KCND2: variants seen among roughly 807,000 people sequenced by gnomAD.
KCND2 encodes potassium voltage-gated channel subfamily D member 2, also known as A-type voltage-gated potassium channel KCND2.
KCND2 carries 16 observed loss-of-function variants against 54.4 expected under a neutral mutation model. The ratio of observed to expected loss-of-function variants is 0.29; its 90% confidence interval spans 0.20 to 0.45. The LOEUF (loss-of-function observed/expected upper bound fraction) is 0.45, where lower values mean the gene tolerates loss of function less well. Ranked by LOEUF, KCND2 falls within the 20% of genes least tolerant of loss-of-function variation. The probability of loss-of-function intolerance (pLI) is 1.00; values close to 1 mark genes in which losing one functional copy is unlikely to be tolerated. For synonymous variants in KCND2, 317 were observed against 310.7 expected, an observed-to-expected ratio of 1.02 and a Z score of -0.21; for missense variants, 486 against 824.2, an observed-to-expected ratio of 0.59 and a Z score of 5.02.
chr7:120,319,762 G>A (rs1212459979), intron 1 of KCND2, among the ~76,000 whole-genome samples: 1 of 151,980 alleles, frequency 6.6e-6, no homozygotes, highest in African/African-American at 2.4e-5. Flanking sequence ...TGTAATTATG[G>A]TATTTTTTCC....
chr7:120,549,609 C>T (rs971363964), intron 1 of KCND2, among the ~76,000 whole-genome samples: 1 of 152,244 alleles, frequency 6.6e-6, no homozygotes, highest in East Asian at 1.9e-4. Context: ...AATTTCTTTC[C>T]TTTATACCTA....
intron 1 of KCND2, among the ~76,000 whole-genome samples, chr7:120,683,308 G>T (rs1792162904): frequency 6.6e-6 from 1 of 152,076 alleles, no homozygotes; most frequent in South Asian, 2.1e-4. Context: ...GATCTTACTA[G>T]TTGGCATTTA....
chr7:120,722,365 G>T (rs925140272), intron 1 of KCND2, among the ~76,000 whole-genome samples: 2 of 152,138 alleles, frequency 1.3e-5, no homozygotes, highest in African/African-American at 4.8e-5. Context: ...GGGAACAGGA[G>T]TAATATGGGC....
At chr7:120,730,207 C>G (rs966549262) in intron 1 of KCND2, among the ~76,000 whole-genome samples, 3 of 151,954 alleles carry the variant, frequency 2.0e-5, no homozygotes, top group Non-Finnish European at 4.4e-5. Flanking sequence ...AATCAAATCC[C>G]TTTTTTAAAA....
At chr7:120,539,309 G>T (rs1791951039) in intron 1 of KCND2, among the ~76,000 whole-genome samples, 1 of 152,178 alleles carries the variant, frequency 6.6e-6, no homozygotes, top group South Asian at 2.1e-4. Context: ...CAGCCAGCTG[G>T]ATTTGGTTGC....
At chr7:120,401,637 A>T in intron 1 of KCND2, among the ~76,000 whole-genome samples, 1 of 152,110 alleles carries the variant, frequency 6.6e-6, no homozygotes, top group East Asian at 1.9e-4. Flanking sequence ...TGTGTTTATA[A>T]GGCGTCAGTC....
At chr7:120,378,907 T>C (rs1329573604) in intron 1 of KCND2, among the ~76,000 whole-genome samples, 1 of 152,010 alleles carries the variant, frequency 6.6e-6, no homozygotes, top group African/African-American at 2.4e-5. Context: ...GCTCATGTCT[T>C]CTACTTTAAT....
intron 1 of KCND2, among the ~76,000 whole-genome samples, chr7:120,680,981 A>C (rs1465183934): frequency 6.6e-6 from 1 of 152,102 alleles, no homozygotes; most frequent in Non-Finnish European, 1.5e-5. Flanking sequence ...ATGTTTGTTT[A>C]GGTATTGAAC....
chr7:120,602,849 ACAGAAG>A (rs1308919570), intron 1 of KCND2, among the ~76,000 whole-genome samples: 4 of 152,208 alleles, frequency 2.6e-5, no homozygotes, highest in African/African-American at 9.6e-5. Flanking sequence ...AGACTCACAT[ACAGAAG>A]CAGTTCGTGA....
chr7:120,716,800 T>C (rs1350003391), intron 1 of KCND2, among the ~76,000 whole-genome samples: 1 of 152,074 alleles, frequency 6.6e-6, no homozygotes, highest in Non-Finnish European at 1.5e-5. Flanking sequence ...GAGATGCCTG[T>C]ATGAATTCAA....
At chr7:120,464,603 T>C (rs1368814016) in intron 1 of KCND2, among the ~76,000 whole-genome samples, 1 of 152,214 alleles carries the variant, frequency 6.6e-6, no homozygotes, top group Non-Finnish European at 1.5e-5. Context: ...GGTTTTCTGT[T>C]CTGGGTCTCA....
chr7:120,432,785 T>C (rs1801813109), intron 1 of KCND2, among the ~76,000 whole-genome samples: 1 of 152,164 alleles, frequency 6.6e-6, no homozygotes, highest in Non-Finnish European at 1.5e-5. Context: ...TTGCCTTGCT[T>C]GGACACCCCT....
intron 1 of KCND2, among the ~76,000 whole-genome samples, chr7:120,378,209 A>G (rs1422430696): frequency 3.3e-5 from 5 of 151,894 alleles, no homozygotes; most frequent in South Asian, 2.1e-4. Flanking sequence ...TCTATATGCA[A>G]TGGTTTAAAA....
intron 1 of KCND2, among the ~76,000 whole-genome samples, chr7:120,599,369 A>T (rs1188547043): frequency 6.6e-6 from 1 of 152,088 alleles, no homozygotes; most frequent in Non-Finnish European, 1.5e-5. Context: ...CTCAAAAAAA[A>T]ATCTGCTGAA....
chr7:120,489,021 C>T (rs970281434), intron 1 of KCND2, among the ~76,000 whole-genome samples: 3 of 151,980 alleles, frequency 2.0e-5, no homozygotes, highest in Admixed American at 6.6e-5. Flanking sequence ...ACAAGCATCA[C>T]GATTAGAATT....
Position 120,745,922 on chromosome 7 carries a change from C to A in KCND2, c.1610C>A (p.Thr537Asn), listed in dbSNP as rs560046889. 1 of 1,613,882 alleles carries A rather than the reference C, an allele frequency of 6.2e-7. No individual in the cohort carries two copies. The highest frequency in any genetic ancestry group is 1.1e-5 in the South Asian group (1 of 91,088). ...TGCTGTTCACGACGACACAAAAAAA[C>A]TTTTCGCATCCCAAATGCCAATGTA... ...STCCSRRHKK[T>N]FRIPNANVSG... is the part of the protein sequence containing the mutation. The change falls in exon 5 of 6, where the codon ACT becomes AAT. Residue 537 changes from threonine (T) to asparagine (N), a missense_variant. Thr to Asn is a moderately conservative substitution (Grantham distance 65). Coordinates refer to ENST00000331113, the MANE Select transcript of KCND2 (RefSeq NM_012281.3).
chr7:120,567,898 A>T (rs1792317506), intron 1 of KCND2, among the ~76,000 whole-genome samples: 1 of 152,106 alleles, frequency 6.6e-6, no homozygotes, highest in South Asian at 2.1e-4. Context: ...TAGGCACACA[A>T]TTCTTTCATC....
At chr7:120,385,022 T>TC (rs869225871) in intron 1 of KCND2, among the ~76,000 whole-genome samples, 16 of 147,740 alleles carry the variant, frequency 1.1e-4, no homozygotes, top group African/African-American at 3.7e-4. Context: ...TTTTTTTTTT[T>TC]CTGAGACAGG....
chr7:120,511,101 T>C (rs1255973821), intron 1 of KCND2, among the ~76,000 whole-genome samples: 1 of 151,742 alleles, frequency 6.6e-6, no homozygotes, highest in Non-Finnish European at 1.5e-5. Context: ...CCCTAGTCTC[T>C]TGCTATTTTT....
Sources: gnomAD v4.1 joint callset for allele counts (sites outside exome capture counted in the v4.1 genomes callset) on GRCh38, gnomAD v4.1.1 for gene constraint, MANE v1.5 for transcripts, NCBI Gene and HGNC (gene_info 2026-07-23, HGNC 2026-07-21) for gene names.